CRBN: variants seen among roughly 807,000 people sequenced by gnomAD.
CRBN encodes the protein protein cereblon.
CRBN carries 53 observed loss-of-function variants against 62.2 expected under a neutral mutation model. That is an observed-to-expected ratio of 0.85 (90% confidence interval 0.68 to 1.07). The LOEUF (loss-of-function observed/expected upper bound fraction) is 1.07. Ranked by LOEUF, CRBN falls within the 50% of genes least tolerant of loss-of-function variation. The pLI, the probability that CRBN is intolerant of heterozygous loss-of-function variation, is 0.00. For missense variants in CRBN, 616 were observed against 531.1 expected (o/e 1.16, Z -1.57); for synonymous variants, 208 against 176.1 (o/e 1.18, Z -1.43).
Position 3,153,500 on chromosome 3 carries a change from G to C in CRBN, c.952-12C>G. The stretch of plus-strand genomic sequence containing the variant: ...CAAAGGGAAGTACACTAAAAGATTT[G>C]AGAGAAAAATTATTGGTAGGAAAAA... On this transcript the variant is annotated splice_polypyrimidine_tract_variant and intron_variant, in intron 8 of 10. Coordinates refer to ENST00000231948, the MANE Select transcript of CRBN (RefSeq NM_016302.4). The C allele has an allele frequency of 6.6e-7, 1 of 1,516,110 alleles. No homozygotes were observed. 93.9% of individuals were successfully genotyped at this position (1,516,110 alleles called of 1,614,324 possible).
chr3:3,155,863 G>C (rs113793403), intron 6 of CRBN: 339 of 242,390 alleles, frequency 1.4e-3, no homozygotes, highest in African/African-American at 6.9e-3. Context: ...CTGGAGTACA[G>C]TGACACAATC....
intron 1 of CRBN, among the ~76,000 whole-genome samples, chr3:3,179,399 C>G (rs546614542): frequency 7.2e-5 from 11 of 152,330 alleles, no homozygotes; most frequent in Admixed American, 2.0e-4. Context: ...AATGCTCCCC[C>G]CGACACCCTG....
chr3:3,170,777 G>C (rs754183646), intron 4 of CRBN, among the ~76,000 whole-genome samples: 2 of 152,098 alleles, frequency 1.3e-5, no homozygotes, highest in Non-Finnish European at 2.9e-5. Context: ...CCCTTTCCAA[G>C]TCTTGTCCAC....
At chr3:3,154,884 A>G in intron 6 of CRBN, 53 bp from the exon 7 acceptor site, 1 of 997,244 alleles carries the variant, frequency 1.0e-6, no homozygotes, top group Non-Finnish European at 1.6e-6. Flanking sequence ...ATTAAAATTT[A>G]CTATTAAGCT....
chr3:3,169,048 C>G (rs193046604), intron 4 of CRBN, among the ~76,000 whole-genome samples: 55 of 152,212 alleles, frequency 3.6e-4, no homozygotes, highest in Non-Finnish European at 5.3e-4. Flanking sequence ...AAATCTGATT[C>G]TTCAAGGTTA....
In CRBN at chr3:3,151,013, C is replaced by A. The variant is rs766454644; in HGVS notation, c.1181G>T (p.Cys394Phe). 1 of 1,613,844 alleles carries A rather than the reference C, an allele frequency of 6.2e-7. No individual in the cohort carries two copies. The highest frequency in any genetic ancestry group is 8.5e-7 in the Non-Finnish European group (1 of 1,179,928). The change falls in exon 11 of 11, where the codon TGT becomes TTT. Residue 394 changes from cysteine to phenylalanine, a missense_variant. By Grantham distance (205) the Cys-to-Phe change is radical. Coordinates refer to ENST00000231948, the MANE Select transcript of CRBN (RefSeq NM_016302.4). ...YAWTVAQCKI[C>F]ASHIGWKFTA... ...AAACTTCCATCCAATATGGCTTGCA[C>A]AGATCTTACACTGGGCAACAGTCCA...
chr3:3,160,631 T>C (rs574498355), intron 5 of CRBN, among the ~76,000 whole-genome samples: 9 of 152,334 alleles, frequency 5.9e-5, no homozygotes, highest in East Asian at 3.9e-4. Context: ...AATGTTACTG[T>C]TCTTACGATT....
At chr3:3,153,556 G>T (rs1706731983) in intron 8 of CRBN, 68 bp from the exon 9 acceptor site, 7 of 871,700 alleles carry the variant, frequency 8.0e-6, no homozygotes, top group Middle Eastern at 2.2e-4. Context: ...TAATCACATA[G>T]ATCATCAAGA....
intron 5 of CRBN, among the ~76,000 whole-genome samples, chr3:3,157,834 A>C (rs1705781): frequency 0.91 from 138,653 of 152,224 alleles, 64,533 homozygotes; most frequent in East Asian, 1. Flanking sequence ...ATTCTATTCC[A>C]TGCTGTTCAA....
At chr3:3,162,942 C>G (rs988847298) in intron 5 of CRBN, among the ~76,000 whole-genome samples, 3 of 152,216 alleles carry the variant, frequency 2.0e-5, no homozygotes, top group African/African-American at 7.2e-5. Flanking sequence ...ATCCAGCCCT[C>G]ATGGTAAGCT....
At chr3:3,167,365 C>A in intron 5 of CRBN, 1 of 325,406 alleles carries the variant, frequency 3.1e-6, no homozygotes, top group Non-Finnish European at 5.8e-6. Flanking sequence ...TAAGCATTTC[C>A]CATGGAATTA....
In CRBN at chr3:3,172,865, T is replaced by G. The variant is rs780779823; in HGVS notation, c.438A>C (p.Glu146Asp). 6.2e-7 allele frequency: 1 copy of G among 1,613,670 alleles called. No individual in the cohort carries two copies. Among genetic ancestry groups the G allele is most frequent in the African/African-American group, 1.3e-5 (1 of 75,058 alleles). Residue 146 changes from glutamate to aspartate, a missense_variant, in exon 4 of 11, where the codon GAA becomes GAC. Coordinates refer to ENST00000231948, the MANE Select transcript of CRBN (RefSeq NM_016302.4). ...GTTAEIYAYREEQDFGIEIVK... is the reference protein window; with the variant it reads ...GTTAEIYAYRDEQDFGIEIVK... Reference sequence around the variant, plus strand: ...CTATCTCAATTCCAAAATCCTGTTCTTCTCGATAGGCATATATCTCTGCTG... The same window carrying G: ...CTATCTCAATTCCAAAATCCTGTTCGTCTCGATAGGCATATATCTCTGCTG...
intron 4 of CRBN, among the ~76,000 whole-genome samples, chr3:3,168,347 T>A (rs1260893179): frequency 6.6e-6 from 1 of 152,150 alleles, no homozygotes; most frequent in East Asian, 1.9e-4. Flanking sequence ...TTCTTAAGAG[T>A]TTAACTGTAC....
intron 4 of CRBN, among the ~76,000 whole-genome samples, chr3:3,169,474 A>ATTG (rs1707510407): frequency 6.6e-6 from 1 of 151,838 alleles, no homozygotes; most frequent in South Asian, 2.1e-4. Flanking sequence ...GACTACTCTA[A>ATTG]TAGGAAAAAA....
chr3:3,172,174 C>CA (rs1707644693), intron 4 of CRBN: 1 of 152,716 alleles, frequency 6.5e-6, no homozygotes, highest in Admixed American at 6.5e-5. Context: ...TCACAAGGCA[C>CA]ATAGACTACA....
intron 1 of CRBN, among the ~76,000 whole-genome samples, chr3:3,178,367 T>C (rs546354288): frequency 1.3e-5 from 2 of 152,310 alleles, no homozygotes; most frequent in African/African-American, 2.4e-5. Flanking sequence ...CTGCTACCAG[T>C]GGACAAATTA....
intron 1 of CRBN, 22 bp downstream of exon 1, chr3:3,179,599 G>A (rs1393414215): frequency 6.2e-7 from 1 of 1,612,168 alleles, no homozygotes; most frequent in South Asian, 1.1e-5. Context: ...CCCGACTACA[G>A]GGAACTACTC....
chr3:3,167,616 A>G lies in CRBN; in HGVS notation c.687+18T>C. On this transcript the variant is annotated intron_variant, in intron 5 of 10. Coordinates refer to ENST00000231948, the MANE Select transcript of CRBN (RefSeq NM_016302.4). Reference sequence around the variant, plus strand: ...CTGTCTTCATTTTTTGAAGATGCATAAAAAATTAGTTTCTCACCTTCTGGT... The same window carrying G: ...CTGTCTTCATTTTTTGAAGATGCATGAAAAATTAGTTTCTCACCTTCTGGT... The G allele has an allele frequency of 2.5e-6, 4 of 1,609,948 alleles. No individual in the cohort carries two copies. The highest frequency in any genetic ancestry group is 2.5e-6 in the Non-Finnish European group (3 of 1,177,054).
chr3:3,153,629 C>G (rs974246393), intron 8 of CRBN, 141 bp from the exon 9 acceptor site: 10 of 680,928 alleles, frequency 1.5e-5, no homozygotes, highest in Admixed American at 7.1e-5. Flanking sequence ...CATTCAAAAA[C>G]ACTTTTAAAG....
Sources: gnomAD v4.1 joint callset for allele counts (sites outside exome capture counted in the v4.1 genomes callset) on GRCh38, gnomAD v4.1.1 for gene constraint, MANE v1.5 for transcripts, NCBI Gene and HGNC (gene_info 2026-07-23, HGNC 2026-07-21) for gene names.